ARMC9: variants seen among roughly 807,000 people sequenced by gnomAD.
ARMC9 encodes the protein armadillo repeat containing 9.
ARMC9 carries 94 observed loss-of-function variants against 107.0 expected under a neutral mutation model. The ratio of observed to expected loss-of-function variants is 0.88; its 90% CI spans 0.74 to 1.04. The LOEUF (loss-of-function observed/expected upper bound fraction) is 1.04, where lower values mean the gene tolerates loss of function less well. Among genes scored for constraint, ARMC9 ranks in the 50% least tolerant of loss-of-function variants. The pLI, the probability that ARMC9 is intolerant of heterozygous loss-of-function variation, is 0.00. For missense variants in ARMC9, 942 were observed against 1,030.1 expected, an observed-to-expected ratio of 0.91 and a Z score of 1.17; for synonymous variants, 380 against 396.9, an observed-to-expected ratio of 0.96 and a Z score of 0.51.
chr2:231,250,024 C>T (rs1023731697), intron 9 of ARMC9, among the ~76,000 whole-genome samples: 31 of 151,868 alleles, frequency 2.0e-4, no homozygotes, highest in African/African-American at 6.1e-4. Context: ...GAGACCACCA[C>T]GTGCATTTGC....
intron 22 of ARMC9, 124 bp downstream of exon 22, chr2:231,356,058 C>T: frequency 1.6e-6 from 2 of 1,269,648 alleles, no homozygotes; most frequent in South Asian, 1.6e-5. Flanking sequence ...TCAGCAACAG[C>T]CCCGTGTCAC....
chr2:231,276,878 G>C (rs2039809385), intron 15 of ARMC9, 103 bp downstream of exon 15: 1 of 1,448,738 alleles, frequency 6.9e-7, no homozygotes, highest in Non-Finnish European at 9.2e-7. Context: ...TAGTCTCATA[G>C]AAAACTAAAA....
At chr2:231,338,750 T>A (rs1006965163) in intron 20 of ARMC9, among the ~76,000 whole-genome samples, 5 of 152,110 alleles carry the variant, frequency 3.3e-5, no homozygotes, top group African/African-American at 1.2e-4. Context: ...ACTAGCTGCT[T>A]GGCAAACACC....
chr2:231,240,551 T>C (rs555970730), intron 9 of ARMC9, among the ~76,000 whole-genome samples: 1 of 152,368 alleles, frequency 6.6e-6, no homozygotes, highest in East Asian at 1.9e-4. Context: ...GCACAAAATC[T>C]GTTTTCTGAA....
intron 11 of ARMC9, among the ~76,000 whole-genome samples, chr2:231,261,195 G>A (rs1022201049): frequency 2.6e-5 from 4 of 152,146 alleles, no homozygotes; most frequent in African/African-American, 9.7e-5. Context: ...TCCTGAAAAA[G>A]CAAGGATATT....
At chr2:231,353,883 A>G (rs930562930) in intron 21 of ARMC9, among the ~76,000 whole-genome samples, 11 of 151,288 alleles carry the variant, frequency 7.3e-5, no homozygotes, top group African/African-American at 2.4e-4. Flanking sequence ...CCTCCACACT[A>G]CTGTCGCACA....
intron 20 of ARMC9, among the ~76,000 whole-genome samples, chr2:231,337,290 A>ATATATATATATATTTTTTTTTT (rs1343774735): frequency 2.6e-5 from 1 of 38,028 alleles, no homozygotes; most frequent in African/African-American, 1.2e-4. Context: ...ATATATATAT[A>ATATATATATATATTTTTTTTTT]TTTTTTTTTT....
At chr2:231,287,315 T>C (rs2040665149) in intron 17 of ARMC9, among the ~76,000 whole-genome samples, 1 of 152,196 alleles carries the variant, frequency 6.6e-6, no homozygotes, top group Non-Finnish European at 1.5e-5. Context: ...ATTGCCCACT[T>C]CTGAATCAAA....
chr2:231,235,495 G>C, intron 8 of ARMC9, 114 bp downstream of exon 8: 1 of 1,264,350 alleles, frequency 7.9e-7, no homozygotes. Flanking sequence ...CAAGCCAGTG[G>C]CGCCTGCTGC....
In ARMC9 at chr2:231,272,997, T is replaced by C; in HGVS notation, c.1253T>C (p.Leu418Pro). The part of the protein sequence containing the change: ...LAQNTKVLQM[L>P]EGRLKEEDKD... ...CAGAACACAAAGGTGCTGCAGATGC[T>C]GGAGGGAAGGCTGAAGGAGGAGGAC... is the stretch of plus-strand genomic sequence containing the variant. The change falls in exon 14 of 25, where the codon CTG (leucine) becomes CCG (proline). Residue 418 changes from leucine (L) to proline (P), a missense_variant. Physicochemically the swap from Leu to Pro is moderately conservative, Grantham distance 98. Coordinates refer to ENST00000611582, the MANE Select transcript of ARMC9 (RefSeq NM_001352754.2). 1 of 1,613,872 alleles carries C rather than the reference T, an allele frequency of 6.2e-7. No homozygotes were observed. The highest frequency in any genetic ancestry group is 8.5e-7 in the Non-Finnish European group (1 of 1,179,840).
chr2:231,238,358 T>C (rs57607815), intron 8 of ARMC9, among the ~76,000 whole-genome samples: 17,965 of 150,972 alleles, frequency 0.12, 2,066 homozygotes, highest in African/African-American at 0.3. Context: ...TGTTTTTTTG[T>C]TCGTTTGTTT....
At chr2:231,208,325 G>T in intron 3 of ARMC9, 73 bp downstream of exon 3, 1 of 1,222,368 alleles carries the variant, frequency 8.2e-7, no homozygotes, top group South Asian at 1.3e-5. Context: ...TGCTGCTGTT[G>T]GATAGTGCTA....
rs558074023 is a variant in ARMC9 at position 231,372,837 on chromosome 2, A to G, written c.*1302A>G. The G allele has an allele frequency of 1.3e-5, 2 of 152,168 alleles. No homozygotes were observed. Among genetic ancestry groups the G allele is most frequent in the South Asian group, 4.1e-4 (2 of 4,828 alleles). 9.4% of individuals were successfully genotyped at this position (152,168 alleles called of 1,614,324 possible). ...ACCTGATCTGCCCACAGACCCTTCA[A>G]TGGGGACATCTCTGGTCCCAATGGT... On this transcript the variant is annotated 3_prime_UTR_variant, in exon 25 of 25. Transcript: ENST00000611582.
At chr2:231,256,490 A>G (rs2037830439) in intron 9 of ARMC9, 96 bp from the exon 10 acceptor site, 3 of 1,475,740 alleles carry the variant, frequency 2.0e-6, no homozygotes, top group South Asian at 1.2e-5. Flanking sequence ...CCTAACTTGC[A>G]CATCTGTTGA....
At chr2:231,369,817 C>T in intron 23 of ARMC9, 136 bp from the exon 24 acceptor site, 2 of 989,374 alleles carry the variant, frequency 2.0e-6, no homozygotes, top group Non-Finnish European at 2.7e-6. Flanking sequence ...TGGTCTCTAA[C>T]TCCTGACTTC....
At chr2:231,295,104 A>G (rs2125480383) in intron 18 of ARMC9, 1 of 152,320 alleles carries the variant, frequency 6.6e-6, no homozygotes, top group Admixed American at 6.5e-5. Flanking sequence ...TGCTCTCCTC[A>G]AGTATGGCTT....
chr2:231,225,481 T>C (rs933787054), intron 6 of ARMC9, among the ~76,000 whole-genome samples: 1 of 152,252 alleles, frequency 6.6e-6, no homozygotes, highest in African/African-American at 2.4e-5. Flanking sequence ...ATCTTATGAA[T>C]GGATAAACAA....
Position 231,288,996 on chromosome 2 carries a change from T to C in ARMC9, c.1627-2357T>C, listed in dbSNP as rs145656159. 1.7e-3 allele frequency among the ~76,000 whole-genome samples: 264 copies of C among 152,366 alleles called. 2 individuals are homozygous for C. Among genetic ancestry groups the C allele is most frequent in the Middle Eastern group, 6.8e-3 (2 of 294 alleles). Reference sequence around the variant, plus strand: ...CACACTGCTTGTATTCCCATTTTTATGCATCTGGATTATTCACTAGGACCT... The same window carrying C: ...CACACTGCTTGTATTCCCATTTTTACGCATCTGGATTATTCACTAGGACCT... On this transcript the variant is annotated intron_variant, in intron 17 of 24. Transcript: ENST00000611582.
chr2:231,238,789 G>T (rs1025834616), intron 8 of ARMC9, among the ~76,000 whole-genome samples: 3 of 152,258 alleles, frequency 2.0e-5, no homozygotes, highest in African/African-American at 7.2e-5. Flanking sequence ...ATGTAGCTAT[G>T]TAACAAAGGG....
Sources: gnomAD v4.1 joint callset for allele counts (sites outside exome capture counted in the v4.1 genomes callset) on GRCh38, gnomAD v4.1.1 for gene constraint, MANE v1.5 for transcripts, NCBI Gene and HGNC (gene_info 2026-07-23, HGNC 2026-07-21) for gene names.